The following RORB variants were observed in gnomAD, a reference collection of about 807,000 sequenced individuals.
RORB encodes RAR related orphan receptor B, also known as nuclear receptor ROR-beta.
Under a neutral mutation model 59.1 loss-of-function variants are expected in RORB, and 6 were observed. The ratio of observed to expected loss-of-function variants is 0.10; its 90% CI spans 0.06 to 0.20. RORB has a LOEUF of 0.20. Ranked by LOEUF, RORB falls within the 10% of genes least tolerant of loss-of-function variation. The pLI is 1.00. For missense variants in RORB, 320 were observed against 560.5 expected, an observed-to-expected ratio of 0.57 and a Z score of 4.33; for synonymous variants, 215 against 204.5, an observed-to-expected ratio of 1.05 and a Z score of -0.44.
intron 1 of RORB, among the ~76,000 whole-genome samples, chr9:74,573,818 G>A (rs996863125): frequency 4.6e-5 from 7 of 152,064 alleles, no homozygotes; most frequent in Non-Finnish European, 8.8e-5. Flanking sequence ...TCTGTCCTCA[G>A]GTGCTCTTGA....
rs543191007 is a variant in RORB, at chr9:74,540,649, C to CT, written c.7+42676dup. 1.8e-3 allele frequency among the ~76,000 whole-genome samples: 273 copies of CT among 148,816 alleles called. 2 individuals carry two copies. The Middle Eastern group carries it at 0.021, about 11-fold the overall frequency. ...TATTGGTACAGGGATCTTTCTCATT[C>CT]TTTTTTTTTTAAGCTGCATAGTATT... On this transcript the variant is annotated intron_variant, in intron 1 of 9. Coordinates refer to ENST00000376896, the MANE Select transcript of RORB (RefSeq NM_006914.4).
intron 1 of RORB, among the ~76,000 whole-genome samples, chr9:74,589,565 T>C (rs1185752999): frequency 1.3e-5 from 2 of 152,226 alleles, no homozygotes; most frequent in Non-Finnish European, 2.9e-5. Flanking sequence ...TAAAATAATT[T>C]ATTGTACAGA....
chr9:74,680,028 G>A (rs974706488), intron 9 of RORB, among the ~76,000 whole-genome samples: 25 of 152,152 alleles, frequency 1.6e-4, no homozygotes, highest in Admixed American at 9.8e-4. Flanking sequence ...GCTTGAACCC[G>A]GGAGGTGGAA....
intron 3 of RORB, among the ~76,000 whole-genome samples, chr9:74,641,381 G>A (rs1046628518): frequency 6.6e-6 from 1 of 152,168 alleles, no homozygotes; most frequent in Admixed American, 6.5e-5. Context: ...AGACTGCTGA[G>A]AATATTGCCA....
chr9:74,630,196 G>A (rs1823592561), intron 1 of RORB, 86 bp from the exon 2 acceptor site: 4 of 1,536,752 alleles, frequency 2.6e-6, no homozygotes, highest in African/African-American at 2.7e-5. Flanking sequence ...AAACATCAAG[G>A]CAGAGATAGA....
At chr9:74,561,332 A>T (rs1397266563) in intron 1 of RORB, among the ~76,000 whole-genome samples, 2 of 152,184 alleles carry the variant, frequency 1.3e-5, no homozygotes, top group Admixed American at 6.5e-5. Context: ...AAAGAAATAC[A>T]TTCCCCTGAA....
At position 74,642,559 on chromosome 9, in the gene RORB, C is replaced by T. The variant is rs1271293487; in HGVS notation, c.381C>T (p.Ser127=). The T allele has an allele frequency of 6.2e-7, 1 of 1,614,062 alleles. No individual in the cohort carries two copies. Among genetic ancestry groups the T allele is most frequent in the Non-Finnish European group, 8.5e-7 (1 of 1,180,046 alleles). Residue 127 remains serine (S), a synonymous_variant, in exon 4 of 10, where the codon AGC becomes AGT. Transcript: ENST00000376896. ...CCAGGGTGTACAGCAGCAGCATTAG[C>T]AACGGCCTGAGCAACCTGAACAACG... ...ALARVYSSSI[S]NGLSNLNNET...
At chr9:74,652,151 C>T (rs1328354055) in intron 4 of RORB, among the ~76,000 whole-genome samples, 3 of 152,146 alleles carry the variant, frequency 2.0e-5, no homozygotes, top group East Asian at 1.9e-4. Flanking sequence ...AAGCCAGGCG[C>T]GGTGGCTCAC....
At chr9:74,544,265 A>C (rs1826455951) in intron 1 of RORB, among the ~76,000 whole-genome samples, 1 of 152,162 alleles carries the variant, frequency 6.6e-6, no homozygotes, top group Non-Finnish European at 1.5e-5. Context: ...TGGTCACATG[A>C]CGGAGGCTGA....
chr9:74,662,658 C>G (rs781497264), intron 6 of RORB, 52 bp downstream of exon 6: 1 of 1,590,800 alleles, frequency 6.3e-7, no homozygotes, highest in South Asian at 1.1e-5. Context: ...TGTGGTCAGC[C>G]CTTAGCACTG....
intron 1 of RORB, among the ~76,000 whole-genome samples, chr9:74,553,535 A>T (rs145068214): frequency 2.4e-4 from 36 of 152,142 alleles, no homozygotes; most frequent in African/African-American, 8.2e-4. Context: ...TAAGGGTAGT[A>T]TTCAACAGTG....
rs139181056 is a variant in RORB at position 74,673,774 on chromosome 9, A to C, written c.1224+1873A>C. Among the ~76,000 whole-genome samples the C allele has an allele frequency of 4.0e-4, 61 of 152,356 alleles. 1 individual carries two copies. The highest frequency in any genetic ancestry group is 1.3e-3 in the African/African-American group (53 of 41,586). On this transcript the variant is annotated intron_variant, in intron 9 of 9. Coordinates refer to ENST00000376896, the MANE Select transcript of RORB (RefSeq NM_006914.4). ...GACAAGTAATGTTGCAAAACTGAGAAAGCATTAGAAGAGGATTACTTCTTG... is the reference window on the plus strand; with the variant it reads ...GACAAGTAATGTTGCAAAACTGAGACAGCATTAGAAGAGGATTACTTCTTG...
intron 4 of RORB, among the ~76,000 whole-genome samples, chr9:74,655,392 G>A (rs948129140): frequency 2.6e-5 from 4 of 151,670 alleles, no homozygotes; most frequent in African/African-American, 9.7e-5. Flanking sequence ...CTTCTTCTTC[G>A]ACATGTACCA....
chr9:74,690,995 T>G lies in RORB; in HGVS notation c.*5377T>G, dbSNP rs1824731636. 6.6e-6 allele frequency: 1 copy of G among 152,318 alleles called. No homozygotes were observed. The highest frequency in any genetic ancestry group is 1.9e-4 in the East Asian group (1 of 5,180). The allele number at this position is 152,318 out of a possible 1,614,324, so 9.4% of individuals were successfully genotyped here. ...TGACAAGTTTTTATTTTCCCTTAGT[T>G]GTATGTGAAGAATTTATTCTATAGT... On this transcript the variant is annotated 3_prime_UTR_variant, in exon 10 of 10. Coordinates refer to ENST00000376896, the MANE Select transcript of RORB (RefSeq NM_006914.4).
chr9:74,616,561 C>T (rs1455160108), intron 1 of RORB, among the ~76,000 whole-genome samples: 2 of 152,164 alleles, frequency 1.3e-5, no homozygotes, highest in East Asian at 3.9e-4. Context: ...GATTGCATTT[C>T]TGACATCAAT....
At chr9:74,650,419 C>T (rs932878782) in intron 4 of RORB, among the ~76,000 whole-genome samples, 9 of 152,112 alleles carry the variant, frequency 5.9e-5, no homozygotes, top group Non-Finnish European at 1.0e-4. Context: ...CAATTGATCA[C>T]AAGGTTGATG....
Position 74,524,545 on chromosome 9 carries a change from A to T in RORB, c.7+26562A>T, listed in dbSNP as rs112298197. ...GTTGATTTAAATGCATGCATAAAAGATTCCACTAATTTATAGAAGAATGTA... is the reference window on the plus strand; with the variant it reads ...GTTGATTTAAATGCATGCATAAAAGTTTCCACTAATTTATAGAAGAATGTA... On this transcript the variant is annotated intron_variant, in intron 1 of 9. Transcript: ENST00000376896. Among the ~76,000 whole-genome samples, 23 of 152,068 alleles carry T rather than the reference A, an allele frequency of 1.5e-4. 1 individual carries two copies. The highest frequency in any genetic ancestry group is 5.5e-4 in the African/African-American group (23 of 41,538).
intron 1 of RORB, among the ~76,000 whole-genome samples, chr9:74,589,944 T>G (rs1231637529): frequency 1.3e-5 from 2 of 152,228 alleles, no homozygotes; most frequent in East Asian, 3.8e-4. Flanking sequence ...TAGACTTTGG[T>G]GTCAGACTAC....
intron 1 of RORB, among the ~76,000 whole-genome samples, chr9:74,598,053 GT>G (rs1563948235): frequency 6.6e-6 from 1 of 152,020 alleles, no homozygotes; most frequent in East Asian, 1.9e-4. Flanking sequence ...ATTTTCAGCT[GT>G]TTTTGCTACA....
Sources: gnomAD v4.1 joint callset for allele counts (sites outside exome capture counted in the v4.1 genomes callset) on GRCh38, gnomAD v4.1.1 for gene constraint, MANE v1.5 for transcripts, NCBI Gene and HGNC (gene_info 2026-07-23, HGNC 2026-07-21) for gene names.